MROH2A: variants seen among roughly 807,000 people sequenced by gnomAD.
MROH2A encodes the protein maestro heat like repeat family member 2A, also known as maestro heat-like repeat-containing protein family member 2A.
In MROH2A, 174 loss-of-function variants were observed where a neutral mutation model predicts 200.4. That is an observed-to-expected ratio of 0.87 (90% confidence interval 0.77 to 0.98). The LOEUF (loss-of-function observed/expected upper bound fraction) is 0.98, where lower values mean the gene tolerates loss of function less well. MROH2A is among the 50% of genes least tolerant of loss of function. The pLI, the probability that MROH2A is intolerant of heterozygous loss-of-function variation, is 0.00. For missense variants in MROH2A, 2,045 were observed against 2,139.6 expected (o/e 0.96, Z 0.87); for synonymous variants, 829 against 840.4 (o/e 0.99, Z 0.23).
intron 31 of MROH2A, among the ~76,000 whole-genome samples, chr2:233,821,755 A>G (rs773866069): frequency 2.4e-4 from 31 of 130,862 alleles, no homozygotes; most frequent in Admixed American, 6.9e-4. Flanking sequence ...GTTAGGTGAT[A>G]TAATATCAGA....
intron 11 of MROH2A, among the ~76,000 whole-genome samples, chr2:233,798,322 G>A (rs895243278): frequency 5.3e-5 from 8 of 152,312 alleles, no homozygotes; most frequent in East Asian, 1.9e-4. Context: ...AAACTGAGGC[G>A]CAGAGGGGCT....
At chr2:233,778,033 C>A (rs1288914416), upstream of MROH2A, among the ~76,000 whole-genome samples, 1 of 152,198 alleles carries the variant, frequency 6.6e-6, no homozygotes, top group African/African-American at 2.4e-5. Flanking sequence ...ACTGTCCTGA[C>A]CACACCTCCC....
intron 5 of MROH2A, among the ~76,000 whole-genome samples, chr2:233,792,188 C>T (rs1701808697): frequency 6.6e-6 from 1 of 152,152 alleles, no homozygotes; most frequent in African/African-American, 2.4e-5. Context: ...CCCTCCTTCC[C>T]TGGGGCTCCT....
At position 233,818,108 on chromosome 2, in the gene MROH2A, G is replaced by C; in HGVS notation, c.3068G>C (p.Ser1023Thr). Reference sequence around the variant, plus strand: ...ATGGCCTCAATGAATGTCCTGTCCAGCCTGCTAGATCTTCACGGTATGAGA... The same window carrying C: ...ATGGCCTCAATGAATGTCCTGTCCACCCTGCTAGATCTTCACGGTATGAGA... ...TRMASMNVLS[S>T]LLDLHASQTC... The change falls in exon 28 of 42, where the codon AGC becomes ACC. Residue 1023 changes from serine to threonine, a missense_variant. Around this residue, in one of 3 missense-constraint regions of MROH2A, gnomAD observed 1,201 missense variants for 1,311.3 expected, o/e 0.92. Coordinates refer to ENST00000389758, the MANE Select transcript of MROH2A (RefSeq NM_001394639.1). The C allele has an allele frequency of 6.4e-7, 1 of 1,550,756 alleles. No homozygotes were observed. The highest frequency in any genetic ancestry group is 1.2e-5 in the South Asian group (1 of 84,066).
Position 233,823,653 on chromosome 2 carries a change from A to C in MROH2A, c.4102A>C (p.Thr1368Pro), listed in dbSNP as rs1704110912. 14 of 1,550,436 alleles carry C rather than the reference A, an allele frequency of 9.0e-6. No individual in the cohort carries two copies. The highest frequency in any genetic ancestry group is 1.2e-5 in the Non-Finnish European group (14 of 1,146,904). Residue 1368 changes from threonine to proline, a missense_variant, in exon 35 of 42, where the codon ACA (threonine) becomes CCA (proline). By Grantham distance (38) the Thr-to-Pro change is conservative (BLOSUM62 -1). Around this residue, in one of 3 missense-constraint regions of MROH2A, gnomAD observed 1,201 missense variants for 1,311.3 expected, o/e 0.92. Coordinates refer to ENST00000389758, the MANE Select transcript of MROH2A (RefSeq NM_001394639.1). ...SEVLSCRISSTAVCFMSGPVL... is the reference protein window; with the variant it reads ...SEVLSCRISSPAVCFMSGPVL... The stretch of plus-strand genomic sequence containing the variant: ...AGTCCTGAGCTGCCGCATCAGCAGC[A>C]CAGCGGTCTGCGTGGAAATGAGGCA...
Position 233,822,428 on chromosome 2 carries a change from C to T in MROH2A, c.3738C>T (p.Leu1246=). The change falls in exon 33 of 42, where the codon CTC becomes CTT. Residue 1246 remains leucine (L), a synonymous_variant. Coordinates refer to ENST00000389758, the MANE Select transcript of MROH2A (RefSeq NM_001394639.1). The part of the protein sequence containing the change: ...LDENDKLPDF[L]PDLIYTLLLQ... ...AGAATGACAAGCTCCCGGACTTCCT[C>T]CCTGACCTCATCTACACCCTCCTGC... The T allele has an allele frequency of 6.5e-7, 1 of 1,549,634 alleles. No individual in the cohort carries two copies. Among genetic ancestry groups the T allele is most frequent in the Non-Finnish European group, 8.7e-7 (1 of 1,146,630 alleles).
chr2:233,830,222 A>T (rs1470251300), intron 38 of MROH2A, among the ~76,000 whole-genome samples: 1 of 152,142 alleles, frequency 6.6e-6, no homozygotes, highest in Non-Finnish European at 1.5e-5. Context: ...GCTTTGGGGC[A>T]GGAGGAGAGG....
intron 3 of MROH2A, among the ~76,000 whole-genome samples, chr2:233,783,933 CTT>C (rs539476168): frequency 6.7e-6 from 1 of 148,672 alleles, no homozygotes; most frequent in African/African-American, 2.5e-5. Context: ...GGTCTTCACT[CTT>C]TTTTTTTTAT....
chr2:233,824,188 A>G (rs1576010408), intron 35 of MROH2A, among the ~76,000 whole-genome samples: 1 of 152,374 alleles, frequency 6.6e-6, no homozygotes, highest in East Asian at 1.9e-4. Flanking sequence ...GCAGGAAAAC[A>G]GCCACAGCCA....
At chr2:233,788,938 CAAAAAAAA>C (rs56084976) in intron 3 of MROH2A, among the ~76,000 whole-genome samples, 5 of 47,466 alleles carry the variant, frequency 1.1e-4, no homozygotes, top group African/African-American at 1.8e-4. Context: ...GACTCCGTCT[CAAAAAAAA>C]AAAAAAAAAA....
At chr2:233,829,560 C>G in intron 37 of MROH2A, 60 bp from the exon 38 acceptor site, 1 of 1,348,432 alleles carries the variant, frequency 7.4e-7, no homozygotes, top group South Asian at 2.0e-5. Flanking sequence ...TGGAGAATGG[C>G]TGGGGTTTTG....
At position 233,794,502 on chromosome 2, in the gene MROH2A, C is replaced by T. The variant is rs761435935; in HGVS notation, c.962C>T (p.Thr321Met). Residue 321 changes from threonine to methionine, a missense_variant, in exon 8 of 42, where the codon ACG (threonine) becomes ATG (methionine). By Grantham distance (81) the Thr-to-Met change is moderately conservative. Coordinates refer to ENST00000389758, the MANE Select transcript of MROH2A (RefSeq NM_001394639.1). Reference sequence around the variant, plus strand: ...GGCAGTCTGGAGGTGCTCTTCGTCACGCAGGCGAGTGGCCAGGCAGCCACG... The same window carrying T: ...GGCAGTCTGGAGGTGCTCTTCGTCATGCAGGCGAGTGGCCAGGCAGCCACG... The part of the protein sequence containing the change: ...YQGSLEVLFV[T>M]QVLRQILELS... 5.7e-5 allele frequency: 86 copies of T among 1,510,678 alleles called. No individual in the cohort carries two copies. Among genetic ancestry groups the T allele is most frequent in the Middle Eastern group, 5.0e-4 (3 of 5,954 alleles). The allele number at this position is 1,510,678 out of a possible 1,614,324, so 93.6% of individuals were successfully genotyped here.
intron 12 of MROH2A, among the ~76,000 whole-genome samples, chr2:233,799,430 C>T (rs1207069257): frequency 1.3e-5 from 2 of 152,172 alleles, no homozygotes; most frequent in East Asian, 1.9e-4. Flanking sequence ...GAGGCTCGTT[C>T]TGCATCTCCT....
rs748221071 is a variant in MROH2A, at chr2:233,813,629, C to G, written c.2652-41C>G. 1.8e-5 allele frequency: 23 copies of G among 1,301,730 alleles called. No individual in the cohort carries two copies. In the African/African-American group the frequency reaches 3.4e-4, roughly 19 times the overall value. The allele number at this position is 1,301,730 out of a possible 1,614,324, so 80.6% of individuals were successfully genotyped here. On this transcript the variant is annotated intron_variant, in intron 24 of 41. Coordinates refer to ENST00000389758, the MANE Select transcript of MROH2A (RefSeq NM_001394639.1). ...GCAGTGGGGCAGCAGAAGCTCAACTCCCCAATGACTGTTCCTCTCTTGTCA... is the reference window on the plus strand; with the variant it reads ...GCAGTGGGGCAGCAGAAGCTCAACTGCCCAATGACTGTTCCTCTCTTGTCA...
chr2:233,791,955 A>G (rs1464798617), intron 5 of MROH2A, among the ~76,000 whole-genome samples: 1 of 152,072 alleles, frequency 6.6e-6, no homozygotes, highest in Non-Finnish European at 1.5e-5. Context: ...GGTGAAGTGG[A>G]GGGGCCTGCC....
chr2:233,832,967 A>G (rs1559490623), intron 41 of MROH2A, among the ~76,000 whole-genome samples, 171 bp from the exon 42 acceptor site: 1 of 152,156 alleles, frequency 6.6e-6, no homozygotes, highest in Non-Finnish European at 1.5e-5. Context: ...GAGAGCTATG[A>G]TGTGTGTTGA....
At position 233,799,871 on chromosome 2, in the gene MROH2A, T is replaced by C; in HGVS notation, c.1421T>C (p.Val474Ala). The change falls in exon 13 of 42, where the codon GTG becomes GCG. Residue 474 changes from valine (V) to alanine (A), a missense_variant. Val to Ala is a moderately conservative substitution (Grantham distance 64, BLOSUM62 0). Around this residue, in one of 3 missense-constraint regions of MROH2A, gnomAD observed 831 missense variants for 800.0 expected, o/e 1.04. Transcript: ENST00000389758. ...IKGWGLKYLSVQLTLSTYKLT... is the reference protein window; with the variant it reads ...IKGWGLKYLSAQLTLSTYKLT... ...GGCTGGGGCCTGAAGTACCTGTCTG[T>C]GCAGCTGACCTTATCCACCTACAAA... is the stretch of plus-strand genomic sequence containing the variant. The C allele has an allele frequency of 6.4e-7, 1 of 1,550,544 alleles. No individual in the cohort carries two copies. The highest frequency in any genetic ancestry group is 2.4e-5 in the East Asian group (1 of 40,914).
In MROH2A at chr2:233,795,690, A is replaced by G; in HGVS notation, c.1004A>G (p.Asn335Ser). 6.4e-7 allele frequency: 1 copy of G among 1,551,074 alleles called. No homozygotes were observed. The highest frequency in any genetic ancestry group is 1.2e-5 in the South Asian group (1 of 84,054). Reference protein sequence around the residue: ...RQILELSVTTNTPVPQMQLHT... With the variant: ...RQILELSVTTSTPVPQMQLHT... ...ATCCTGGAACTGTCAGTCACCACCAACACCCCTGTCCCCCAAATGCAGCTA... is the reference window on the plus strand; with the variant it reads ...ATCCTGGAACTGTCAGTCACCACCAGCACCCCTGTCCCCCAAATGCAGCTA... Residue 335 changes from asparagine (N) to serine (S), a missense_variant, in exon 9 of 42, where the codon AAC (asparagine) becomes AGC (serine). By Grantham distance (46) the Asn-to-Ser change is conservative. Coordinates refer to ENST00000389758, the MANE Select transcript of MROH2A (RefSeq NM_001394639.1).
At chr2:233,826,298 A>G (rs554170274) in intron 35 of MROH2A, among the ~76,000 whole-genome samples, 80 of 152,380 alleles carry the variant, frequency 5.3e-4, no homozygotes, top group African/African-American at 1.8e-3. Flanking sequence ...AGCTGGAGGC[A>G]TCACCCTACT....
Sources: allele counts gnomAD v4.1 joint callset (sites outside exome capture counted in the v4.1 genomes callset), GRCh38; gene constraint gnomAD v4.1.1; regional missense constraint gnomAD v4.1.1; transcripts MANE v1.5; gene names NCBI Gene and HGNC (gene_info 2026-07-23, HGNC 2026-07-21).